NRL: variants seen among roughly 807,000 people sequenced by gnomAD.
NRL encodes neural retina leucine zipper.
Under a neutral mutation model 12.5 loss-of-function variants are expected in NRL, and 16 were observed. The ratio of observed to expected loss-of-function variants is 1.28; its 90% CI spans 0.87 to 1.95. The LOEUF is 1.95. Ranked by LOEUF, NRL falls within the 30% of genes most tolerant of loss-of-function variation. The probability of loss-of-function intolerance (pLI) is 0.00; values close to 1 mark genes in which losing one functional copy is unlikely to be tolerated. For synonymous variants in NRL, 142 were observed against 150.9 expected (o/e 0.94, Z 0.43); for missense variants, 314 against 325.8 (o/e 0.96, Z 0.28).
intron 1 of NRL, among the ~76,000 whole-genome samples, chr14:24,105,708 T>C (rs60996664): frequency 0.15 from 22,443 of 152,158 alleles, 2,587 homozygotes; most frequent in African/African-American, 0.32. Flanking sequence ...CACCTGAGGT[T>C]GGGAGTTCAA....
chr14:24,096,851 C>G, intron 1 of NRL: 4 of 1,584,444 alleles, frequency 2.5e-6, no homozygotes, highest in Non-Finnish European at 3.4e-6. Context: ...TGTCCACTCT[C>G]GATGACAGCA....
rs2036364555 is a variant in NRL, at chr14:24,082,883, G to A, written c.-27-8C>T. 6.3e-7 allele frequency: 1 copy of A among 1,594,698 alleles called. No individual in the cohort carries two copies. Among genetic ancestry groups the A allele is most frequent in the Non-Finnish European group, 8.6e-7 (1 of 1,169,554 alleles). ...GGGCTGGGAGGAGTGCACCTGCAAA[G>A]AGGAGGAGAGGTCTGGAGCACATGG... On this transcript the variant is annotated splice_region_variant and splice_polypyrimidine_tract_variant and intron_variant, in intron 1 of 2. Coordinates refer to ENST00000561028, the MANE Select transcript of NRL (RefSeq NM_001354768.3).
Position 24,100,335 on chromosome 14 carries a change from G to A in NRL, c.-28+14387C>T, listed in dbSNP as rs190258480. 74 of 1,493,386 alleles carry A rather than the reference G, an allele frequency of 5.0e-5. No homozygotes were observed. The East Asian group carries it at 1.6e-3, about 33-fold the overall frequency. The allele number at this position is 1,493,386 out of a possible 1,614,324, so 92.5% of individuals were successfully genotyped here. The stretch of plus-strand genomic sequence containing the variant: ...GCCAGGAGGCACAGAAGTCATGAAC[G>A]TTTGCAGTTTCCAGTCCCAGGCAAA... On this transcript the variant is annotated intron_variant, in intron 1 of 2. Transcript: ENST00000561028.
At chr14:24,111,749 G>C (rs1713875588) in intron 1 of NRL, among the ~76,000 whole-genome samples, 2 of 151,042 alleles carry the variant, frequency 1.3e-5, no homozygotes, top group African/African-American at 4.9e-5. Context: ...GAGACGATGG[G>C]GTTTTCTAGA....
chr14:24,096,228 C>CTTTTTTTT (rs34592767), intron 1 of NRL, among the ~76,000 whole-genome samples: 2 of 58,878 alleles, frequency 3.4e-5, no homozygotes, highest in Non-Finnish European at 5.7e-5. Context: ...CTACTCATTT[C>CTTTTTTTT]TTTTTTTTTT....
At chr14:24,106,530 G>C (rs1050189265) in intron 1 of NRL, among the ~76,000 whole-genome samples, 2 of 152,092 alleles carry the variant, frequency 1.3e-5, no homozygotes, top group Admixed American at 1.3e-4. Flanking sequence ...AGACCAGCTA[G>C]ACCAACATGG....
Position 24,085,491 on chromosome 14 carries a change from C to A in NRL, c.-27-2616G>T, listed in dbSNP as rs1352444400. On this transcript the variant is annotated intron_variant, in intron 1 of 2. Coordinates refer to ENST00000561028, the MANE Select transcript of NRL (RefSeq NM_001354768.3). The surrounding 1 kb of genome is among the most constrained non-coding windows in gnomAD (Gnocchi z 4.1). Reference sequence around the variant, plus strand: ...CCTAATCCCCTAACACCTCTTAGAGCTATCATCCCTGAGTAGGAGTGGGAA... The same window carrying A: ...CCTAATCCCCTAACACCTCTTAGAGATATCATCCCTGAGTAGGAGTGGGAA... Among the ~76,000 whole-genome samples, 2 of 152,216 alleles carry A rather than the reference C, an allele frequency of 1.3e-5. No homozygotes were observed. Among genetic ancestry groups the A allele is most frequent in the Non-Finnish European group, 1.5e-5 (1 of 68,038 alleles).
chr14:24,100,612 A>AT, intron 1 of NRL: 2 of 1,049,492 alleles, frequency 1.9e-6, no homozygotes, highest in Non-Finnish European at 2.3e-6. Flanking sequence ...ACTTTTGAAC[A>AT]TTCTTACAGA....
intron 1 of NRL, chr14:24,103,297 C>A: frequency 6.7e-7 from 1 of 1,488,442 alleles, no homozygotes; most frequent in Non-Finnish European, 9.3e-7. Context: ...TGTGTGCACA[C>A]AGCACGTCCT....
In NRL at chr14:24,079,061, A is replaced by G. The variant is rs765966837; in HGVS notation, c.*2175T>C. 6.6e-6 allele frequency among the ~76,000 whole-genome samples: 1 copy of G among 152,172 alleles called. No homozygotes were observed. Among genetic ancestry groups the G allele is most frequent in the Non-Finnish European group, 1.5e-5 (1 of 68,036 alleles). On this transcript the variant is annotated 3_prime_UTR_variant, in exon 3 of 3. Coordinates refer to ENST00000561028, the MANE Select transcript of NRL (RefSeq NM_001354768.3). Reference sequence around the variant, plus strand: ...CTTGGCCTCCCAAAGTGTTGGGATTACAGGCAGGAACCACTGCGCCCCACC... The same window carrying G: ...CTTGGCCTCCCAAAGTGTTGGGATTGCAGGCAGGAACCACTGCGCCCCACC...
At chr14:24,098,401 G>A (rs2036996816) in intron 1 of NRL, 1 of 1,611,536 alleles carries the variant, frequency 6.2e-7, no homozygotes, top group Non-Finnish European at 8.5e-7. Flanking sequence ...ACCAGGGCAG[G>A]GGCACAGTGG....
Position 24,080,505 on chromosome 14 carries a change from T to C in NRL, c.*731A>G, listed in dbSNP as rs1187142602. The C allele has an allele frequency of 6.6e-6, 1 of 152,322 alleles. No individual in the cohort carries two copies. Among genetic ancestry groups the C allele is most frequent in the African/African-American group, 2.4e-5 (1 of 41,300 alleles). The allele number at this position is 152,322 out of a possible 1,614,324, so 9.4% of individuals were successfully genotyped here. On this transcript the variant is annotated 3_prime_UTR_variant, in exon 3 of 3. Transcript: ENST00000561028. ...GCCAGAACTGGAAAGGGAGCAGAAG[T>C]CGTCCAATCCACATGAGAATTAGAT...
chr14:24,114,573 CCCGCCTCTCAG>C, intron 1 of NRL, 138 bp downstream of exon 1: 1 of 661,006 alleles, frequency 1.5e-6, no homozygotes, highest in Non-Finnish European at 1.9e-6. Context: ...TTTTTTAAGC[CCCGCCTCTCAG>C]CCGTTACGCC....
intron 1 of NRL, among the ~76,000 whole-genome samples, chr14:24,086,590 G>A (rs980690432): frequency 2.6e-5 from 4 of 152,172 alleles, no homozygotes; most frequent in Non-Finnish European, 2.9e-5. Context: ...TCTCCAAAGT[G>A]GACACCCAGG....
At chr14:24,106,302 C>A (rs1005013450) in intron 1 of NRL, among the ~76,000 whole-genome samples, 1 of 152,104 alleles carries the variant, frequency 6.6e-6, no homozygotes, top group East Asian at 1.9e-4. Context: ...ATTGGGAACT[C>A]CCTCAAAGGA....
At chr14:24,082,153 C>T (rs1010502386) in intron 2 of NRL, 2 of 799,788 alleles carry the variant, frequency 2.5e-6, no homozygotes, top group Admixed American at 6.2e-5. Flanking sequence ...TCCCTGGTTT[C>T]CACACACCAT....
At position 24,094,489 on chromosome 14, in the gene NRL, C is replaced by T. The variant is rs1255669667; in HGVS notation, c.-27-11614G>A. ...GCACCTTCCGCTGCGCTCGCCCCCT[C>T]GGGGCTGCCAGTGGCGCTCTCCTGC... On this transcript the variant is annotated intron_variant, in intron 1 of 2. Coordinates refer to ENST00000561028, the MANE Select transcript of NRL (RefSeq NM_001354768.3). The surrounding 1 kb of genome is among the most constrained non-coding windows in gnomAD (Gnocchi z 4.1). The T allele has an allele frequency of 2.7e-6, 4 of 1,481,924 alleles. No homozygotes were observed. Among genetic ancestry groups the T allele is most frequent in the African/African-American group, 1.4e-5 (1 of 69,594 alleles). The allele number at this position is 1,481,924 out of a possible 1,614,324, so 91.8% of individuals were successfully genotyped here. A position where few individuals can be genotyped will look rare whatever the true frequency, so the allele number is the denominator to read the frequency against.
intron 1 of NRL, among the ~76,000 whole-genome samples, chr14:24,097,442 T>C (rs1456302675): frequency 2.0e-5 from 3 of 150,648 alleles, no homozygotes; most frequent in African/African-American, 7.3e-5. Context: ...CGCATGCCTG[T>C]AATCCCAGCT....
At chr14:24,082,134 A>G (rs1313877641) in intron 2 of NRL, 5 of 1,224,138 alleles carry the variant, frequency 4.1e-6, no homozygotes, top group Admixed American at 3.4e-5. Context: ...CACTCCACAC[A>G]TAACCCTTTC....
Sources: gnomAD v4.1 joint callset for allele counts (sites outside exome capture counted in the v4.1 genomes callset) on GRCh38, gnomAD v4.1.1 for gene constraint, Gnocchi (gnomAD v3.1) non-coding constraint, MANE v1.5 for transcripts, NCBI Gene and HGNC (gene_info 2026-07-23, HGNC 2026-07-21) for gene names.